Variants in TPCN1 observed in about 807,000 individuals in gnomAD.
TPCN1 encodes two pore channel protein 1.
A neutral mutation model predicts 108.8 loss-of-function variants in TPCN1; 52 were observed. The ratio of observed to expected loss-of-function variants is 0.48; its 90% CI spans 0.38 to 0.60. The LOEUF is 0.60. TPCN1 is among the 20% of genes least tolerant of loss of function. TPCN1 has a pLI of 0.00. For missense variants in TPCN1, 806 were observed against 1,072.8 expected, an observed-to-expected ratio of 0.75 and a Z score of 3.47; for synonymous variants, 446 against 433.7, an observed-to-expected ratio of 1.03 and a Z score of -0.35.
intron 2 of TPCN1, among the ~76,000 whole-genome samples, chr12:113,251,475 C>T (rs570901657): frequency 9.8e-5 from 15 of 152,348 alleles, no homozygotes; most frequent in African/African-American, 3.4e-4. Flanking sequence ...ATTCCCGAGT[C>T]CTCGTTCCAC....
chr12:113,291,489 C>A, intron 23 of TPCN1, 120 bp from the exon 24 acceptor site: 1 of 849,516 alleles, frequency 1.2e-6, no homozygotes, highest in Non-Finnish European at 1.9e-6. Context: ...CTCCATCTCT[C>A]ACAACCAGCC....
chr12:113,223,502 G>T (rs1331966331), intron 1 of TPCN1, among the ~76,000 whole-genome samples: 1 of 150,772 alleles, frequency 6.6e-6, no homozygotes, highest in Non-Finnish European at 1.5e-5. Flanking sequence ...GCTGTAACAG[G>T]CTAGCTCGGA....
In TPCN1 at chr12:113,226,765, C is replaced by T; in HGVS notation, c.-88C>T. 1.3e-6 allele frequency: 2 copies of T among 1,593,060 alleles called. No individual in the cohort carries two copies. The highest frequency in any genetic ancestry group is 1.7e-6 in the Non-Finnish European group (2 of 1,169,306). ...ATGGAGGAGTTTCTGAGCAGCACCC[C>T]TGGCCCAGTGGCTTTGAAAGGGAGC... On this transcript the variant is annotated 5_prime_UTR_variant, in exon 2 of 28. Transcript: ENST00000335509.
intron 2 of TPCN1, among the ~76,000 whole-genome samples, chr12:113,235,965 G>A (rs889496434): frequency 6.6e-6 from 1 of 152,188 alleles, no homozygotes; most frequent in Non-Finnish European, 1.5e-5. Context: ...GGAGTGGGTG[G>A]CATCTGAGTC....
intron 2 of TPCN1, among the ~76,000 whole-genome samples, chr12:113,250,249 A>C (rs1291218842): frequency 6.6e-6 from 1 of 152,148 alleles, no homozygotes; most frequent in Non-Finnish European, 1.5e-5. Flanking sequence ...CCCTGCTCAG[A>C]TTGTGGCACT....
At chr12:113,282,222 C>G (rs898728067) in intron 15 of TPCN1, among the ~76,000 whole-genome samples, 2 of 151,496 alleles carry the variant, frequency 1.3e-5, no homozygotes, top group Non-Finnish European at 2.9e-5. Flanking sequence ...TCCCAAGTAG[C>G]TGGGACTACA....
In TPCN1 at chr12:113,296,140, C is replaced by T. The variant is rs1345845921; in HGVS notation, c.*64C>T. The T allele has an allele frequency of 7.0e-5, 111 of 1,580,890 alleles. No homozygotes were observed. Among genetic ancestry groups the T allele is most frequent in the Non-Finnish European group, 8.1e-5 (94 of 1,157,388 alleles). On this transcript the variant is annotated 3_prime_UTR_variant, in exon 28 of 28. Transcript: ENST00000335509. ...AATAGTATTACTCTACTGCGATGTA[C>T]GGAACTGCGGTGTGTGTACACATAC...
Position 113,273,249 on chromosome 12 carries a change from G to A in TPCN1, c.801G>A (p.Glu267=). 1.2e-6 allele frequency: 2 copies of A among 1,614,244 alleles called. No individual in the cohort carries two copies. The highest frequency in any genetic ancestry group is 1.7e-6 in the Non-Finnish European group (2 of 1,180,050). Residue 267 remains glutamate, a synonymous_variant, in exon 9 of 28, where the codon GAG becomes GAA. Coordinates refer to ENST00000335509, the MANE Select transcript of TPCN1 (RefSeq NM_017901.6). The surrounding 1 kb of genome is among the most constrained non-coding windows in gnomAD (Gnocchi z 4.0). The part of the protein sequence containing the change: ...NPSDPYFSTL[E]NSIVSLFVLL... ...CCTTGCAGTACTTCAGCACCCTGGAGAACAGCATCGTCAGTCTGTTTGTCC... is the reference window on the plus strand; with the variant it reads ...CCTTGCAGTACTTCAGCACCCTGGAAAACAGCATCGTCAGTCTGTTTGTCC...
intron 2 of TPCN1, 55 bp from the exon 3 acceptor site, chr12:113,260,313 T>A: frequency 6.9e-7 from 1 of 1,452,984 alleles, no homozygotes; most frequent in Non-Finnish European, 9.1e-7. Flanking sequence ...CCAAACGGTG[T>A]CTTTTTGCTC....
chr12:113,244,426 G>A (rs1954269008), intron 2 of TPCN1: 10 of 985,412 alleles, frequency 1.0e-5, no homozygotes, highest in East Asian at 2.3e-4. Context: ...TCAATAATGC[G>A]GGTCCACCTT....
Position 113,273,681 on chromosome 12 carries a change from G to GCC in TPCN1, c.942+14_942+15dup. ...CATCATGAACCTGGTGAGTGACTAT[G>GCC]CCTCAGGCTACGCTGAAGCAGCCTG... On this transcript the variant is annotated intron_variant, in intron 10 of 27. Transcript: ENST00000335509. The surrounding 1 kb of genome is among the most constrained non-coding windows in gnomAD (Gnocchi z 4.0). 1 of 1,608,974 alleles carries GCC rather than the reference G, an allele frequency of 6.2e-7. No individual in the cohort carries two copies. Among genetic ancestry groups the GCC allele is most frequent in the Non-Finnish European group, 8.5e-7 (1 of 1,175,508 alleles).
At position 113,232,516 on chromosome 12, in the gene TPCN1, G is replaced by T. The variant is rs1458581987; in HGVS notation, c.112+5552G>T. Among the ~76,000 whole-genome samples the T allele has an allele frequency of 6.6e-6, 1 of 152,244 alleles. No homozygotes were observed. The highest frequency in any genetic ancestry group is 1.5e-5 in the Non-Finnish European group (1 of 68,038). ...CTCCATCACTGATGTCTGTGCCGTG[G>T]CTCTGCCTCTGACCAGATGGCCCCA... On this transcript the variant is annotated intron_variant, in intron 2 of 27. Transcript: ENST00000335509. This position sits in a 1 kb window ranked among gnomAD's most constrained non-coding sequence, Gnocchi z 5.6.
chr12:113,276,886 C>G, intron 10 of TPCN1, 33 bp from the exon 11 acceptor site: 2 of 1,496,540 alleles, frequency 1.3e-6, no homozygotes, highest in Non-Finnish European at 1.9e-6. Context: ...CACTCAAGGT[C>G]CTGAGCTAGG....
chr12:113,286,372 G>A (rs983962921), intron 18 of TPCN1, among the ~76,000 whole-genome samples: 3 of 128,784 alleles, frequency 2.3e-5, no homozygotes, highest in South Asian at 4.9e-4. Context: ...TCCCTGCCCT[G>A]TTCAAGTTAA....
chr12:113,293,444 A>G (rs1042512538), intron 27 of TPCN1, 95 bp downstream of exon 27: 111 of 1,173,248 alleles, frequency 9.5e-5, no homozygotes, highest in Admixed American at 3.6e-4. Flanking sequence ...TAGAGGGAGA[A>G]GGCTGGTAGA....
At chr12:113,224,158 G>A (rs1274793790) in intron 1 of TPCN1, among the ~76,000 whole-genome samples, 1 of 152,188 alleles carries the variant, frequency 6.6e-6, no homozygotes, top group African/African-American at 2.4e-5. Context: ...TGTAATGGCT[G>A]GGAATACAGG....
chr12:113,278,078 T>C, intron 12 of TPCN1, 111 bp from the exon 13 acceptor site: 2 of 862,200 alleles, frequency 2.3e-6, no homozygotes, highest in Admixed American at 1.9e-5. Context: ...TGGTGTCCCC[T>C]CTCTTCCTCC....
In TPCN1 at chr12:113,268,985, G is replaced by A. The variant is rs1030374979; in HGVS notation, c.659+113G>A. 4 of 1,239,386 alleles carry A rather than the reference G, an allele frequency of 3.2e-6. No individual in the cohort carries two copies. The highest frequency in any genetic ancestry group is 4.6e-6 in the Non-Finnish European group (4 of 870,524). The allele number at this position is 1,239,386 out of a possible 1,614,324, so 76.8% of individuals were successfully genotyped here. ...GTGATGAGGTCGACCCTGCATGCTGGTGGAGTACACGCAGACTCACTCTCC... is the reference window on the plus strand; with the variant it reads ...GTGATGAGGTCGACCCTGCATGCTGATGGAGTACACGCAGACTCACTCTCC... On this transcript the variant is annotated intron_variant, in intron 6 of 27. Coordinates refer to ENST00000335509, the MANE Select transcript of TPCN1 (RefSeq NM_017901.6). The surrounding 1 kb of genome is among the most constrained non-coding windows in gnomAD (Gnocchi z 7.3).
rs1485370646 is a variant in TPCN1, at chr12:113,269,482, C to G, written c.660-275C>G. On this transcript the variant is annotated intron_variant, in intron 6 of 27. Transcript: ENST00000335509. The surrounding 1 kb of genome is among the most constrained non-coding windows in gnomAD (Gnocchi z 5.0). ...CACCCAAGGTCATGCCCTTGGCCTT[C>G]TGCTGCTCTGTTCCCTGCTTGCATG... Among the ~76,000 whole-genome samples, 5 of 152,198 alleles carry G rather than the reference C, an allele frequency of 3.3e-5. No homozygotes were observed. Among genetic ancestry groups the G allele is most frequent in the Admixed American group, 1.3e-4 (2 of 15,280 alleles).
Sources: gnomAD v4.1 joint callset for allele counts (sites outside exome capture counted in the v4.1 genomes callset) on GRCh38, gnomAD v4.1.1 for gene constraint, Gnocchi (gnomAD v3.1) non-coding constraint, MANE v1.5 for transcripts, NCBI Gene and HGNC (gene_info 2026-07-23, HGNC 2026-07-21) for gene names.